Variants in TTC29 observed in about 807,000 individuals in gnomAD.
The protein encoded by TTC29 is tetratricopeptide repeat domain 29, also known as tetratricopeptide repeat protein 29.
A neutral mutation model predicts 58.1 loss-of-function variants in TTC29; 49 were observed. The observed-to-expected ratio is 0.84, with a 90% CI of 0.67 to 1.07. The LOEUF is 1.07. Among genes scored for constraint, TTC29 ranks in the 50% least tolerant of loss-of-function variants. The pLI, the probability that TTC29 is intolerant of heterozygous loss-of-function variation, is 0.00. For synonymous variants in TTC29, 209 were observed against 196.8 expected, an observed-to-expected ratio of 1.06 and a Z score of -0.52; for missense variants, 582 against 555.6, an observed-to-expected ratio of 1.05 and a Z score of -0.48.
At chr4:146,725,380 T>A (rs1743704572) in intron 11 of TTC29, among the ~76,000 whole-genome samples, 1 of 152,056 alleles carries the variant, frequency 6.6e-6, no homozygotes, top group Non-Finnish European at 1.5e-5. Context: ...CAAAAAATTT[T>A]AAAAAATTAG....
At chr4:146,716,058 G>GA (rs573761582) in intron 11 of TTC29, among the ~76,000 whole-genome samples, 6 of 151,532 alleles carry the variant, frequency 4.0e-5, no homozygotes, top group East Asian at 1.9e-4. Flanking sequence ...ATTCTGGATA[G>GA]AAAAAAAATA....
chr4:146,736,853 G>A (rs1035862670), intron 11 of TTC29, among the ~76,000 whole-genome samples: 1 of 152,290 alleles, frequency 6.6e-6, no homozygotes, highest in Admixed American at 6.5e-5. Flanking sequence ...GGAATGAAAG[G>A]AGGAGATGGT....
At chr4:146,823,155 G>GT (rs1319432490) in intron 9 of TTC29, among the ~76,000 whole-genome samples, 3 of 152,280 alleles carry the variant, frequency 2.0e-5, no homozygotes, top group African/African-American at 7.2e-5. Context: ...TGCTTTTGGT[G>GT]TTTTTGCCAT....
chr4:146,707,663 G>C, intron 11 of TTC29, 112 bp from the exon 12 acceptor site: 1 of 707,146 alleles, frequency 1.4e-6, no homozygotes, highest in South Asian at 1.9e-5. Flanking sequence ...TCACCTATAA[G>C]ATAAGGGTGT....
chr4:146,801,606 G>GAA (rs74955470), intron 11 of TTC29, among the ~76,000 whole-genome samples: 5 of 147,610 alleles, frequency 3.4e-5, no homozygotes, highest in Admixed American at 6.7e-5. Flanking sequence ...AGTCCTGTTG[G>GAA]AAAAAAAAAT....
intron 11 of TTC29, among the ~76,000 whole-genome samples, chr4:146,774,742 CAA>C (rs1747967674): frequency 6.6e-6 from 1 of 152,012 alleles, no homozygotes; most frequent in Admixed American, 6.6e-5. Flanking sequence ...TCCATTTGGT[CAA>C]GTGTCGAGTT....
chr4:146,750,607 T>G lies in TTC29; in HGVS notation c.1331-43056A>C, dbSNP rs562248965. 2.6e-5 allele frequency among the ~76,000 whole-genome samples: 4 copies of G among 152,328 alleles called. No homozygotes were observed. In the South Asian group the frequency reaches 8.3e-4, roughly 32 times the overall value. ...CATAACTTGTTGAGGAAGGAGGGTA[T>G]AAGTCTAGAGGTTTTGTATGCAACA... On this transcript the variant is annotated intron_variant, in intron 11 of 12. Coordinates refer to ENST00000325106, the MANE Select transcript of TTC29 (RefSeq NM_031956.4).
rs530689508 is a variant in TTC29 at position 146,792,644 on chromosome 4, C to T, written c.1330+10813G>A. On this transcript the variant is annotated intron_variant, in intron 11 of 12. Transcript: ENST00000325106. ...ATGGATCAATAAGAAGTTTTGACTT[C>T]GAAGTCTTATTATTTAAGAAATACT... Among the ~76,000 whole-genome samples, 11 of 152,086 alleles carry T rather than the reference C, an allele frequency of 7.2e-5. No homozygotes were observed. The East Asian group carries it at 1.2e-3, about 16-fold the overall frequency.
In TTC29 at chr4:146,829,265, C is replaced by T. The variant is rs534892306; in HGVS notation, c.977+4541G>A. The stretch of plus-strand genomic sequence containing the variant: ...AAACAGGACCGTTAACACCCACGTC[C>T]CTTGACAACTGTCCAATTATGTATA... On this transcript the variant is annotated intron_variant, in intron 9 of 12. Coordinates refer to ENST00000325106, the MANE Select transcript of TTC29 (RefSeq NM_031956.4). Among the ~76,000 whole-genome samples the T allele has an allele frequency of 2.0e-5, 3 of 152,328 alleles. No individual in the cohort carries two copies. In the South Asian group the frequency reaches 6.2e-4, roughly 32 times the overall value.
At chr4:146,818,163 A>G (rs1010716445) in intron 10 of TTC29, among the ~76,000 whole-genome samples, 2 of 152,262 alleles carry the variant, frequency 1.3e-5, no homozygotes, top group African/African-American at 2.4e-5. Context: ...AAAATGGGAG[A>G]AAATTTTCAC....
intron 4 of TTC29, among the ~76,000 whole-genome samples, chr4:146,923,078 T>A (rs1321117502): frequency 6.6e-6 from 1 of 151,752 alleles, no homozygotes; most frequent in Non-Finnish European, 1.5e-5. Context: ...GGATAAAAAA[T>A]TATTTAGTCA....
chr4:146,943,268 A>G (rs945550522), intron 2 of TTC29, among the ~76,000 whole-genome samples: 1 of 134,722 alleles, frequency 7.4e-6, no homozygotes, highest in African/African-American at 2.7e-5. Flanking sequence ...CTCTCCTCTG[A>G]TCTGAGAACA....
rs79656419 is a variant in TTC29, at chr4:146,894,919, G to A, written c.586+8625C>T. On this transcript the variant is annotated intron_variant, in intron 6 of 12. Transcript: ENST00000325106. The stretch of plus-strand genomic sequence containing the variant: ...ACATAAGTAAAAGCATGCCATGGTG[G>A]TTTACTGTACAGATCATCCCATAGC... 2.4e-4 allele frequency among the ~76,000 whole-genome samples: 37 copies of A among 152,182 alleles called. No individual in the cohort carries two copies. In the East Asian group the frequency reaches 7.0e-3, roughly 29 times the overall value.
chr4:146,907,608 C>T (rs903366611), intron 5 of TTC29, among the ~76,000 whole-genome samples: 2 of 152,174 alleles, frequency 1.3e-5, no homozygotes, highest in Non-Finnish European at 1.5e-5. Context: ...AAGCAATTCC[C>T]TGCCTCAGCC....
chr4:146,910,692 G>A (rs542194734), intron 4 of TTC29, among the ~76,000 whole-genome samples: 1 of 152,162 alleles, frequency 6.6e-6, no homozygotes, highest in African/African-American at 2.4e-5. Flanking sequence ...TCTGGAAGAA[G>A]TGTCCCAGCT....
intron 11 of TTC29, among the ~76,000 whole-genome samples, chr4:146,746,941 C>A (rs1020882197): frequency 6.6e-6 from 1 of 152,084 alleles, no homozygotes; most frequent in Non-Finnish European, 1.5e-5. Flanking sequence ...AAAGCAGCAG[C>A]AGAAATCCTG....
chr4:146,935,094 G>C (rs1320515438), intron 4 of TTC29, among the ~76,000 whole-genome samples: 1 of 152,066 alleles, frequency 6.6e-6, no homozygotes, highest in Non-Finnish European at 1.5e-5. Flanking sequence ...TGATGGTGTA[G>C]GAGAAAAGCA....
intron 11 of TTC29, among the ~76,000 whole-genome samples, chr4:146,798,338 A>G (rs1359276609): frequency 6.6e-6 from 1 of 152,134 alleles, no homozygotes; most frequent in African/African-American, 2.4e-5. Context: ...CAGGAGGATG[A>G]ATTAAAGTCT....
chr4:146,861,035 G>A (rs954416876), intron 8 of TTC29, among the ~76,000 whole-genome samples: 19 of 152,122 alleles, frequency 1.2e-4, no homozygotes, highest in African/African-American at 4.6e-4. Context: ...TCATTTTTAA[G>A]TTAAATTATT....
Sources: allele counts gnomAD v4.1 joint callset (sites outside exome capture counted in the v4.1 genomes callset), GRCh38; gene constraint gnomAD v4.1.1; transcripts MANE v1.5; gene names NCBI Gene and HGNC (gene_info 2026-07-23, HGNC 2026-07-21).